LDB2: variants seen among roughly 807,000 people sequenced by gnomAD.
LDB2 encodes LIM domain-binding protein 2.
A neutral mutation model predicts 44.3 loss-of-function variants in LDB2; 12 were observed. The ratio of observed to expected loss-of-function variants is 0.27; its 90% CI spans 0.17 to 0.44. The LOEUF (loss-of-function observed/expected upper bound fraction) is 0.44, where lower values mean the gene tolerates loss of function less well. Among genes scored for constraint, LDB2 ranks in the 20% least tolerant of loss-of-function variants. The pLI is 1.00. For missense variants in LDB2, 344 were observed against 473.5 expected, an observed-to-expected ratio of 0.73 and a Z score of 2.54; for synonymous variants, 164 against 174.8, an observed-to-expected ratio of 0.94 and a Z score of 0.49.
intron 5 of LDB2, among the ~76,000 whole-genome samples, chr4:16,539,588 A>G (rs367669985): frequency 5.6e-4 from 86 of 152,346 alleles, no homozygotes; most frequent in African/African-American, 1.9e-3. Context: ...GCTTGATCCC[A>G]TGAAGCAGGC....
intron 5 of LDB2, among the ~76,000 whole-genome samples, chr4:16,583,627 C>G (rs1316671378): frequency 6.6e-6 from 1 of 152,186 alleles, no homozygotes; most frequent in Non-Finnish European, 1.5e-5. Flanking sequence ...AAGAAATGAC[C>G]TTTGTCTGTC....
intron 1 of LDB2, among the ~76,000 whole-genome samples, chr4:16,804,177 G>C (rs1456352501): frequency 6.6e-6 from 1 of 152,134 alleles, no homozygotes; most frequent in Non-Finnish European, 1.5e-5. Context: ...GAGTGCAGTG[G>C]CACAATCATG....
chr4:16,605,095 T>A (rs1506466), intron 2 of LDB2, among the ~76,000 whole-genome samples: 57,357 of 151,770 alleles, frequency 0.38, 11,315 homozygotes, highest in East Asian at 0.62. Context: ...TATATTTTTT[T>A]AAAAAATCAT....
At chr4:16,861,295 C>T (rs774708505) in intron 1 of LDB2, among the ~76,000 whole-genome samples, 2 of 152,046 alleles carry the variant, frequency 1.3e-5, no homozygotes, top group Non-Finnish European at 2.9e-5. Flanking sequence ...CCCACCTTGG[C>T]AACATTGACC....
chr4:16,844,657 C>T (rs1786597410), intron 1 of LDB2, among the ~76,000 whole-genome samples: 1 of 152,112 alleles, frequency 6.6e-6, no homozygotes, highest in Admixed American at 6.6e-5. Context: ...ATCCCCATGT[C>T]TTCTCTCATC....
At chr4:16,545,718 G>A (rs1735510289) in intron 5 of LDB2, among the ~76,000 whole-genome samples, 1 of 152,166 alleles carries the variant, frequency 6.6e-6, no homozygotes. Flanking sequence ...GCTTCTGACA[G>A]CCCCTGCAGT....
chr4:16,800,097 A>G (rs1270991321), intron 1 of LDB2, among the ~76,000 whole-genome samples: 5 of 152,154 alleles, frequency 3.3e-5, no homozygotes, highest in African/African-American at 1.2e-4. Context: ...GAGCTGGGAA[A>G]CAAATATAGA....
At chr4:16,615,643 C>A (rs1194684534) in intron 2 of LDB2, among the ~76,000 whole-genome samples, 1 of 151,968 alleles carries the variant, frequency 6.6e-6, no homozygotes, top group African/African-American at 2.4e-5. Flanking sequence ...GAGGATGGAT[C>A]AATAGGTGCA....
chr4:16,848,995 C>T (rs1215039422), intron 1 of LDB2, among the ~76,000 whole-genome samples: 1 of 152,200 alleles, frequency 6.6e-6, no homozygotes, highest in African/African-American at 2.4e-5. Context: ...ACTGGTAGTT[C>T]TTCAAAGATT....
chr4:16,555,839 C>T (rs1739371785), intron 5 of LDB2, among the ~76,000 whole-genome samples: 1 of 152,186 alleles, frequency 6.6e-6, no homozygotes, highest in South Asian at 2.1e-4. Flanking sequence ...TCTGTGTCAT[C>T]TGCCACCAAC....
At chr4:16,699,243 G>A (rs546632640) in intron 2 of LDB2, among the ~76,000 whole-genome samples, 58 of 152,260 alleles carry the variant, frequency 3.8e-4, no homozygotes, top group African/African-American at 1.3e-3. Flanking sequence ...TTCTCATGAC[G>A]TTCTGATAAA....
intron 5 of LDB2, among the ~76,000 whole-genome samples, chr4:16,571,858 A>G (rs1052962540): frequency 1.3e-5 from 2 of 152,212 alleles, no homozygotes; most frequent in African/African-American, 4.8e-5. Context: ...TCCCAAATTC[A>G]TTATCTAGAT....
chr4:16,636,505 T>C (rs1733643711), intron 2 of LDB2, among the ~76,000 whole-genome samples: 1 of 152,218 alleles, frequency 6.6e-6, no homozygotes, highest in Non-Finnish European at 1.5e-5. Context: ...CTCTAGTTAC[T>C]TAGGAGATAA....
rs765805225 is a variant in LDB2 at position 16,585,985 on chromosome 4, C to T, written c.552G>A (p.Leu184=). 2 of 1,613,750 alleles carry T rather than the reference C, an allele frequency of 1.2e-6. No individual in the cohort carries two copies. The highest frequency in any genetic ancestry group is 2.2e-5 in the South Asian group (2 of 91,048). The change falls in exon 5 of 8, where the codon CTG becomes CTA. Residue 184 remains leucine, a synonymous_variant. Transcript: ENST00000304523. ...LAMHAQDPQV[L]DQLSKNITRM... The stretch of plus-strand genomic sequence containing the variant: ...TGGTGATGTTTTTGGACAGCTGATC[C>T]AGGACCTGAGGATCTTGTGCCTAAA...
intron 2 of LDB2, among the ~76,000 whole-genome samples, chr4:16,639,516 C>T (rs1193293008): frequency 6.6e-6 from 1 of 152,182 alleles, no homozygotes; most frequent in African/African-American, 2.4e-5. Context: ...GGCTGGAGTG[C>T]CATGGCACGA....
intron 2 of LDB2, among the ~76,000 whole-genome samples, chr4:16,597,717 T>C (rs896310064): frequency 6.6e-5 from 10 of 152,194 alleles, no homozygotes; most frequent in African/African-American, 2.4e-4. Flanking sequence ...CATTATACTT[T>C]ATTTATCATG....
At chr4:16,542,681 C>T (rs986583081) in intron 5 of LDB2, among the ~76,000 whole-genome samples, 1 of 152,236 alleles carries the variant, frequency 6.6e-6, no homozygotes, top group East Asian at 1.9e-4. Flanking sequence ...ATAGTCTATT[C>T]ATTGACCTAC....
intron 1 of LDB2, among the ~76,000 whole-genome samples, chr4:16,802,201 A>T (rs774236344): frequency 2.0e-5 from 3 of 152,176 alleles, no homozygotes; most frequent in Non-Finnish European, 2.9e-5. Context: ...GTGAACTGAG[A>T]CAAATGTCTG....
At chr4:16,680,989 C>T (rs747643804) in intron 2 of LDB2, among the ~76,000 whole-genome samples, 12 of 152,242 alleles carry the variant, frequency 7.9e-5, no homozygotes, top group Non-Finnish European at 8.8e-5. Context: ...TTCAAAGATG[C>T]GCCTCAGGAC....
Sources: gnomAD v4.1 joint callset for allele counts (sites outside exome capture counted in the v4.1 genomes callset) on GRCh38, gnomAD v4.1.1 for gene constraint, MANE v1.5 for transcripts, NCBI Gene and HGNC (gene_info 2026-07-23, HGNC 2026-07-21) for gene names.